Variants in PHKA1 observed in about 807,000 individuals in gnomAD.
PHKA1 encodes phosphorylase b kinase regulatory subunit alpha, skeletal muscle isoform.
Under a neutral mutation model 110.2 loss-of-function variants are expected in PHKA1, and 60 were observed. That is an observed-to-expected ratio of 0.54 (90% confidence interval 0.44 to 0.68). PHKA1 has a LOEUF of 0.68. PHKA1 is among the 30% of genes least tolerant of loss of function. PHKA1 has a pLI of 0.00. For missense variants in PHKA1, 801 were observed against 942.5 expected, an observed-to-expected ratio of 0.85 and a Z score of 1.97; for synonymous variants, 316 against 333.6, an observed-to-expected ratio of 0.95 and a Z score of 0.58.
At chrX:72,623,674 T>G (rs964199545) in intron 17 of PHKA1, among the ~76,000 whole-genome samples, 1 of 110,674 alleles carries the variant, frequency 9.0e-6, no homozygotes, top group Non-Finnish European at 1.9e-5. Flanking sequence ...CATTTGAACA[T>G]AAAGGATGGT....
At chrX:72,711,215 G>C (rs2054376906) in intron 2 of PHKA1, among the ~76,000 whole-genome samples, 1 of 111,463 alleles carries the variant, frequency 9.0e-6, no homozygotes, top group Non-Finnish European at 1.9e-5. Flanking sequence ...ATTACAGGGA[G>C]ATAACAGATT....
In PHKA1 at chrX:72,580,913, A is replaced by C; in HGVS notation, c.*89T>G. The C allele has an allele frequency of 1.2e-6, 1 of 848,446 alleles. No homozygotes were observed. The highest frequency in any genetic ancestry group is 1.7e-6 in the Non-Finnish European group (1 of 580,147). 69.9% of individuals were successfully genotyped at this position (848,446 alleles called of 1,213,427 possible). A position where few individuals can be genotyped will look rare whatever the true frequency, so the allele number is the denominator to read the frequency against. On this transcript the variant is annotated 3_prime_UTR_variant, in exon 32 of 32. Transcript: ENST00000373542. ...GACAGAAAGGGGCAGGGTTGGAGTG[A>C]TTAGGCAATAACATTTTAGTTCCAT...
intron 16 of PHKA1, among the ~76,000 whole-genome samples, chrX:72,631,027 T>C (rs1285913676): frequency 1.2e-5 from 1 of 85,493 alleles, no homozygotes; most frequent in Non-Finnish European, 2.3e-5. Flanking sequence ...TTTTTTACTG[T>C]GTTGTTCAGA....
chrX:72,668,820 AG>A (rs1226452487), intron 6 of PHKA1, among the ~76,000 whole-genome samples: 6 of 111,877 alleles, frequency 5.4e-5, no homozygotes, highest in African/African-American at 2.0e-4. Flanking sequence ...TCCAGCACCA[AG>A]GATAAGACTC....
At chrX:72,647,475 A>T (rs1569440402) in intron 13 of PHKA1, among the ~76,000 whole-genome samples, 1 of 112,212 alleles carries the variant, frequency 8.9e-6, no homozygotes, top group Non-Finnish European at 1.9e-5. Flanking sequence ...CCTTAAAGGA[A>T]GCTGATACAG....
At chrX:72,676,173 C>T in intron 5 of PHKA1, 23 bp from the exon 6 acceptor site, 1 of 1,134,661 alleles carries the variant, frequency 8.8e-7, no homozygotes, top group Non-Finnish European at 1.2e-6. Context: ...AACCAATATA[C>T]AATTAGCAAG....
At position 72,657,970 on chromosome X, in the gene PHKA1, C is replaced by T. The variant is rs183785491; in HGVS notation, c.865-329G>A. ...AATTACTAATCTATGTGGTCCTGTT[C>T]ATAAGACACATACAGCTCATAAGTC... On this transcript the variant is annotated intron_variant, in intron 8 of 31. Transcript: ENST00000373542. Among the ~76,000 whole-genome samples, 325 of 111,394 alleles carry T rather than the reference C, an allele frequency of 2.9e-3. 1 individual carries two copies. Among genetic ancestry groups the T allele is most frequent in the Middle Eastern group, 4.6e-3 (1 of 218 alleles).
intron 21 of PHKA1, among the ~76,000 whole-genome samples, chrX:72,614,359 T>G (rs1441396894): frequency 8.9e-6 from 1 of 111,808 alleles, no homozygotes; most frequent in Non-Finnish European, 1.9e-5. Context: ...TCCAGAATTT[T>G]TATTGTACTA....
Position 72,697,568 on chromosome X carries a change from GT to G in PHKA1, c.286-1693del, listed in dbSNP as rs1178050899. 8.9e-4 allele frequency among the ~76,000 whole-genome samples: 90 copies of G among 100,628 alleles called. No homozygotes were observed. In the South Asian group the frequency reaches 0.011, roughly 13 times the overall value. The allele number at this position is 100,628 out of a possible 115,157, so 87.4% of individuals were successfully genotyped here. ...GACCTTGTCTTTTTTTTGAGCAAAAGTTTTTTTTTTTTTCTTCTCAGTTGAC... is the reference window on the plus strand; with the variant it reads ...GACCTTGTCTTTTTTTTGAGCAAAAGTTTTTTTTTTTTCTTCTCAGTTGAC... On this transcript the variant is annotated intron_variant, in intron 3 of 31. Transcript: ENST00000373542.
chrX:72,695,559 T>C (rs1556326718), intron 4 of PHKA1, 149 bp downstream of exon 4: 1 of 555,864 alleles, frequency 1.8e-6, no homozygotes. Flanking sequence ...CTTTGCCATC[T>C]CATGATATCT....
chrX:72,642,358 C>A (rs192764346), intron 14 of PHKA1, among the ~76,000 whole-genome samples: 109 of 111,661 alleles, frequency 9.8e-4, no homozygotes, highest in African/African-American at 3.4e-3. Flanking sequence ...AACCTATTAA[C>A]TTTTGAGTGA....
At chrX:72,657,793 T>G (rs1371671624) in intron 8 of PHKA1, 152 bp from the exon 9 acceptor site, 1 of 445,541 alleles carries the variant, frequency 2.2e-6, no homozygotes, top group Non-Finnish European at 3.9e-6. Flanking sequence ...AATAATATAA[T>G]AATGCTTAAA....
intron 12 of PHKA1, among the ~76,000 whole-genome samples, chrX:72,650,685 A>G (rs1556298741): frequency 8.9e-6 from 1 of 111,896 alleles, no homozygotes; most frequent in Non-Finnish European, 1.9e-5. Flanking sequence ...GGCTGCCACA[A>G]ATGCTTTTTT....
Position 72,588,459 on chromosome X carries a change from C to G in PHKA1, c.3244-4157G>C, listed in dbSNP as rs5912106. On this transcript the variant is annotated intron_variant, in intron 29 of 31. Coordinates refer to ENST00000373542, the MANE Select transcript of PHKA1 (RefSeq NM_002637.4). ...AGAGGGAAATTTATAGCACTAAATG[C>G]CCACAAGAGAAAGCAGGAAAGATCT... is the stretch of plus-strand genomic sequence containing the variant. 8.1e-5 allele frequency among the ~76,000 whole-genome samples: 9 copies of G among 110,929 alleles called. No homozygotes were observed. The South Asian group carries it at 3.4e-3, about 42-fold the overall frequency.
intron 6 of PHKA1, among the ~76,000 whole-genome samples, chrX:72,669,427 C>T (rs1005261236): frequency 3.7e-4 from 41 of 109,411 alleles, no homozygotes; most frequent in Admixed American, 1.8e-3. Context: ...ATGTGCACAA[C>T]ATGCAGGTTA....
chrX:72,649,730 G>A (rs1410022896), intron 13 of PHKA1, among the ~76,000 whole-genome samples: 4 of 111,134 alleles, frequency 3.6e-5, no homozygotes, highest in Non-Finnish European at 5.7e-5. Flanking sequence ...GCAGTGGCTC[G>A]CGCCTGTAAT....
intron 6 of PHKA1, among the ~76,000 whole-genome samples, chrX:72,671,550 TACCAATG>T (rs1276489705): frequency 8.9e-6 from 1 of 111,887 alleles, no homozygotes; most frequent in Non-Finnish European, 1.9e-5. Flanking sequence ...CCCATCAAGC[TACCAATG>T]ACTTTCTTCA....
chrX:72,660,535 A>G (rs782730323), intron 8 of PHKA1: 23 of 398,675 alleles, frequency 5.8e-5, no homozygotes, highest in Non-Finnish European at 8.1e-5. Flanking sequence ...TTGGACCATA[A>G]CAGCCCAATG....
Position 72,593,293 on chromosome X carries a change from A to G in PHKA1, c.3073-19T>C. 7 of 1,163,434 alleles carry G rather than the reference A, an allele frequency of 6.0e-6. No homozygotes were observed. Among genetic ancestry groups the G allele is most frequent in the Non-Finnish European group, 8.2e-6 (7 of 853,080 alleles). On this transcript the variant is annotated intron_variant, in intron 28 of 31. Transcript: ENST00000373542. ...CAGGTGACTTGGAAGAGGAGAGGAA[A>G]GAACATAAATCAAAAGTTATCTCTG...
Sources: gnomAD v4.1 joint callset for allele counts (sites outside exome capture counted in the v4.1 genomes callset) on GRCh38, gnomAD v4.1.1 for gene constraint, MANE v1.5 for transcripts, NCBI Gene and HGNC (gene_info 2026-07-23, HGNC 2026-07-21) for gene names.